CHRNA9: variants seen among roughly 807,000 people sequenced by gnomAD.
The protein encoded by CHRNA9 is cholinergic receptor nicotinic alpha 9 subunit, also known as neuronal acetylcholine receptor subunit alpha-9.
In CHRNA9, 24 loss-of-function variants were observed where a neutral mutation model predicts 36.8. That is an observed-to-expected ratio of 0.65 (90% CI 0.47 to 0.92). The LOEUF is 0.92. CHRNA9 is among the 40% of genes least tolerant of loss of function. CHRNA9 has a pLI of 0.00. For missense variants in CHRNA9, 610 were observed against 601.2 expected (o/e 1.01, Z -0.15); for synonymous variants, 231 against 231.8 (o/e 1.00, Z 0.03).
chr4:40,353,363 C>T (rs916552863), intron 4 of CHRNA9, among the ~76,000 whole-genome samples: 5 of 152,112 alleles, frequency 3.3e-5, no homozygotes, highest in Non-Finnish European at 5.9e-5. Context: ...TAGTGGTGGG[C>T]GCCTGTAATC....
intron 3 of CHRNA9, chr4:40,347,901 G>A (rs1048762770): frequency 6.6e-6 from 1 of 152,190 alleles, no homozygotes; most frequent in Admixed American, 6.5e-5. Context: ...TACCAATTAA[G>A]GCTCTTTGGT....
rs1448074504 is a variant in CHRNA9, at chr4:40,339,298, A to AAAAG, written c.365+1942_365+1945dup. Among the ~76,000 whole-genome samples the AAAAG allele has an allele frequency of 6.4e-3, 854 of 132,972 alleles. 12 individuals carry two copies. The highest frequency in any genetic ancestry group is 0.011 in the Non-Finnish European group (684 of 61,680). 87.2% of individuals were successfully genotyped at this position (132,972 alleles called of 152,430 possible). On this transcript the variant is annotated intron_variant, in intron 3 of 4. Coordinates refer to ENST00000310169, the MANE Select transcript of CHRNA9 (RefSeq NM_017581.4). ...CCATCTCAAAAAAAAAAAAAAAAAA[A>AAAAG]AAAGAAAGAAAAAAGAAAAAGAAAG...
intron 3 of CHRNA9, among the ~76,000 whole-genome samples, chr4:40,343,735 G>A (rs1712563451): frequency 6.6e-6 from 1 of 152,118 alleles, no homozygotes. Flanking sequence ...ATTTTTTCAT[G>A]TTTTAGTTGA....
Position 40,354,368 on chromosome 4 carries a change from T to G in CHRNA9, c.1288T>G (p.Tyr430Asp). The change falls in exon 5 of 5, where the codon TAC becomes GAC. Residue 430 changes from tyrosine to aspartate, a missense_variant. Physicochemically the swap from Tyr to Asp is radical, Grantham distance 160 (BLOSUM62 -3). Coordinates refer to ENST00000310169, the MANE Select transcript of CHRNA9 (RefSeq NM_017581.4). ...QYKVLTRNIEYIAKCLKDHKA... is the reference protein window; with the variant it reads ...QYKVLTRNIEDIAKCLKDHKA... ...CAAAGTGCTGACGAGGAATATTGAG[T>G]ACATCGCCAAGTGCCTCAAAGACCA... The G allele has an allele frequency of 6.2e-7, 1 of 1,614,100 alleles. No individual in the cohort carries two copies. The highest frequency in any genetic ancestry group is 1.7e-5 in the Admixed American group (1 of 60,014).
chr4:40,343,282 AC>A (rs1288633347), intron 3 of CHRNA9, among the ~76,000 whole-genome samples: 1 of 152,184 alleles, frequency 6.6e-6, no homozygotes, highest in Non-Finnish European at 1.5e-5. Flanking sequence ...CATACCCAAG[AC>A]TGGGTAATTT....
At chr4:40,343,188 C>T (rs1712549191) in intron 3 of CHRNA9, among the ~76,000 whole-genome samples, 1 of 152,124 alleles carries the variant, frequency 6.6e-6, no homozygotes, top group Non-Finnish European at 1.5e-5. Context: ...TGCAAAACAA[C>T]TAAAGTTAGC....
At chr4:40,351,162 A>C (rs1051594734) in intron 4 of CHRNA9, among the ~76,000 whole-genome samples, 1 of 150,400 alleles carries the variant, frequency 6.6e-6, no homozygotes, top group Non-Finnish European at 1.5e-5. Flanking sequence ...ACATGGTGAG[A>C]CCCCATCTCT....
chr4:40,344,007 C>T (rs1712568727), intron 3 of CHRNA9, among the ~76,000 whole-genome samples: 1 of 152,042 alleles, frequency 6.6e-6, no homozygotes, highest in African/African-American at 2.4e-5. Context: ...CACAGGGGTC[C>T]TTGTAAGAGG....
intron 3 of CHRNA9, among the ~76,000 whole-genome samples, chr4:40,337,862 T>C (rs1350976744): frequency 6.6e-6 from 1 of 152,302 alleles, no homozygotes; most frequent in East Asian, 1.9e-4. Context: ...TCACATGGCA[T>C]TCTCCTGTGT....
intron 3 of CHRNA9, among the ~76,000 whole-genome samples, chr4:40,339,035 T>C (rs1712413366): frequency 6.6e-6 from 1 of 152,082 alleles, no homozygotes; most frequent in Non-Finnish European, 1.5e-5. Context: ...CCCAGCACTT[T>C]GGGAGGCCAA....
intron 3 of CHRNA9, among the ~76,000 whole-genome samples, chr4:40,344,303 G>C (rs1385672969): frequency 2.0e-5 from 3 of 152,194 alleles, no homozygotes; most frequent in Non-Finnish European, 2.9e-5. Flanking sequence ...GGTTGAGGTG[G>C]GTGGATCACT....
chr4:40,347,745 G>T (rs1474981113), intron 3 of CHRNA9: 2 of 152,148 alleles, frequency 1.3e-5, no homozygotes, highest in Non-Finnish European at 2.9e-5. Flanking sequence ...ACTTTATTAA[G>T]ATTTCACCAG....
At position 40,335,369 on chromosome 4, in the gene CHRNA9, C is replaced by CG; in HGVS notation, c.-97dup. ...GAGCTCTCCCGCCATAAGGCTGCAGCGGTGTGGGCTCCTTGTGCCCAGATC... is the reference window on the plus strand; with the variant it reads ...GAGCTCTCCCGCCATAAGGCTGCAGCGGGTGTGGGCTCCTTGTGCCCAGATC... On this transcript the variant is annotated 5_prime_UTR_variant, in exon 1 of 5. Transcript: ENST00000310169. 2 of 888,932 alleles carry CG rather than the reference C, an allele frequency of 2.2e-6. No homozygotes were observed. Among genetic ancestry groups the CG allele is most frequent in the South Asian group, 2.7e-5 (2 of 73,310 alleles). 55.1% of individuals were successfully genotyped at this position (888,932 alleles called of 1,614,324 possible).
At position 40,354,776 on chromosome 4, in the gene CHRNA9, C is replaced by A; in HGVS notation, c.*256C>A. The A allele has an allele frequency of 2.8e-6, 1 of 353,790 alleles. No individual in the cohort carries two copies. Among genetic ancestry groups the A allele is most frequent in the Non-Finnish European group, 5.1e-6 (1 of 195,432 alleles). The allele number at this position is 353,790 out of a possible 1,614,324, so 21.9% of individuals were successfully genotyped here. ...GCCCACCGTAGTGGTGGGTGACTGG[C>A]CTCTAGTTTATATAATTATTTACCT... On this transcript the variant is annotated 3_prime_UTR_variant, in exon 5 of 5. Transcript: ENST00000310169.
intron 3 of CHRNA9, among the ~76,000 whole-genome samples, chr4:40,347,085 T>C (rs953919689): frequency 1.6e-4 from 24 of 152,298 alleles, no homozygotes; most frequent in African/African-American, 5.1e-4. Context: ...AGTGCTGGGA[T>C]TACAGGTGTG....
At chr4:40,345,808 T>C (rs1461411647) in intron 3 of CHRNA9, among the ~76,000 whole-genome samples, 1 of 152,186 alleles carries the variant, frequency 6.6e-6, no homozygotes, top group African/African-American at 2.4e-5. Context: ...GTGGATCACC[T>C]GAGGTCAGGA....
In CHRNA9 at chr4:40,348,989, A is replaced by G. The variant is rs1259569583; in HGVS notation, c.473A>G (p.Asp158Gly). 1 of 1,614,166 alleles carries G rather than the reference A, an allele frequency of 6.2e-7. No homozygotes were observed. The highest frequency in any genetic ancestry group is 2.2e-5 in the East Asian group (1 of 44,880). ...ATCACCAAAAGCTCCTGTGTGGTGG[A>G]TGTCACCTACTTCCCTTTTGACAAC... ...PAITKSSCVV[D>G]VTYFPFDNQQ... Residue 158 changes from aspartate to glycine, a missense_variant, in exon 4 of 5, where the codon GAT (aspartate) becomes GGT (glycine). Transcript: ENST00000310169.
chr4:40,340,541 CTG>C (rs1712469755), intron 3 of CHRNA9, among the ~76,000 whole-genome samples: 1 of 152,196 alleles, frequency 6.6e-6, no homozygotes, highest in African/African-American at 2.4e-5. Flanking sequence ...ATCCCTGACT[CTG>C]TAGAATCTTC....
At chr4:40,342,157 G>T (rs1231631741) in intron 3 of CHRNA9, among the ~76,000 whole-genome samples, 2 of 152,172 alleles carry the variant, frequency 1.3e-5, no homozygotes, top group Non-Finnish European at 2.9e-5. Flanking sequence ...TAGCTTTAAG[G>T]CCAGCTTATG....
Sources: allele counts gnomAD v4.1 joint callset (sites outside exome capture counted in the v4.1 genomes callset), GRCh38; gene constraint gnomAD v4.1.1; transcripts MANE v1.5; gene names NCBI Gene and HGNC (gene_info 2026-07-23, HGNC 2026-07-21).